VIPR2: variants seen among roughly 807,000 people sequenced by gnomAD.
VIPR2 encodes vasoactive intestinal polypeptide receptor 2.
VIPR2 carries 48 observed loss-of-function variants against 58.0 expected under a neutral mutation model. That is an observed-to-expected ratio of 0.83 (90% confidence interval 0.66 to 1.05). VIPR2 has a LOEUF of 1.05. VIPR2 is among the 50% of genes least tolerant of loss of function. The pLI is 0.00. For missense variants in VIPR2, 534 were observed against 558.0 expected, an observed-to-expected ratio of 0.96 and a Z score of 0.43; for synonymous variants, 243 against 235.2, an observed-to-expected ratio of 1.03 and a Z score of -0.30.
At chr7:159,136,455 TGA>T (rs1343227756) in intron 2 of VIPR2, among the ~76,000 whole-genome samples, 3 of 152,054 alleles carry the variant, frequency 2.0e-5, no homozygotes, top group Non-Finnish European at 4.4e-5. Context: ...CAAAAACATG[TGA>T]GAGTCGAAGC....
At chr7:159,058,136 T>C (rs1011675695) in intron 5 of VIPR2, among the ~76,000 whole-genome samples, 2 of 152,148 alleles carry the variant, frequency 1.3e-5, no homozygotes, top group Non-Finnish European at 2.9e-5. Flanking sequence ...TCGTAGCATC[T>C]CTCTAATAGA....
intron 2 of VIPR2, among the ~76,000 whole-genome samples, chr7:159,112,823 G>T (rs113172395): frequency 1.2e-5 from 1 of 81,174 alleles, no homozygotes; most frequent in Non-Finnish European, 2.3e-5. Flanking sequence ...TGAAGAGGAG[G>T]CTCACGGCGC....
intron 4 of VIPR2, among the ~76,000 whole-genome samples, chr7:159,092,844 G>A (rs1371301770): frequency 1.3e-5 from 2 of 152,026 alleles, no homozygotes; most frequent in Non-Finnish European, 2.9e-5. Flanking sequence ...CCGTGTCTCA[G>A]AGTTCTGGGC....
In VIPR2 at chr7:159,031,747, G is replaced by A. The variant is rs1853598117; in HGVS notation, c.1143+81C>T. ...AGCCCGCGGAAGACAGGCATGTGTG[G>A]GGGCTGCGGCACCAGGCTGGGCAGC... On this transcript the variant is annotated intron_variant, in intron 12 of 12. Transcript: ENST00000262178. This position sits in a 1 kb window ranked among gnomAD's most constrained non-coding sequence, Gnocchi z 4.0. The A allele has an allele frequency of 2.5e-5, 40 of 1,609,048 alleles. No individual in the cohort carries two copies. In the South Asian group the frequency reaches 4.3e-4, roughly 17 times the overall value.
intron 5 of VIPR2, among the ~76,000 whole-genome samples, chr7:159,047,192 C>T (rs546429084): frequency 1.5e-3 from 234 of 152,186 alleles, no homozygotes; most frequent in Middle Eastern, 3.4e-3. Flanking sequence ...ATCCAGGAGC[C>T]GAGATTGTGC....
intron 4 of VIPR2, among the ~76,000 whole-genome samples, chr7:159,066,460 C>G (rs1856100802): frequency 6.6e-6 from 1 of 152,212 alleles, no homozygotes; most frequent in Non-Finnish European, 1.5e-5. Flanking sequence ...TCCAGGATGC[C>G]TGTTCCCGCA....
intron 4 of VIPR2, among the ~76,000 whole-genome samples, chr7:159,090,283 C>G (rs571632701): frequency 1.0e-5 from 1 of 96,542 alleles, no homozygotes; most frequent in African/African-American, 5.2e-5. Flanking sequence ...GCTGGGACCA[C>G]GCACAGGGGC....
intron 1 of VIPR2, chr7:159,144,174 C>T: frequency 1.1e-6 from 1 of 902,980 alleles, no homozygotes; most frequent in Non-Finnish European, 1.5e-6. Context: ...ACTCCATGTG[C>T]GAAGGCACTT....
chr7:159,094,935 C>T (rs1857743735), intron 4 of VIPR2, among the ~76,000 whole-genome samples: 1 of 152,182 alleles, frequency 6.6e-6, no homozygotes, highest in Admixed American at 6.5e-5. Context: ...GGGGCCTTTG[C>T]TTTGCTAGCA....
intron 2 of VIPR2, among the ~76,000 whole-genome samples, chr7:159,119,414 G>A (rs904398817): frequency 6.6e-5 from 10 of 152,184 alleles, no homozygotes; most frequent in Non-Finnish European, 1.2e-4. Flanking sequence ...AGGACAACAC[G>A]TGGCCTGCGT....
chr7:159,060,527 T>TGCCACCCTCACATCATCTAACA, intron 4 of VIPR2, among the ~76,000 whole-genome samples: 1 of 151,120 alleles, frequency 6.6e-6, no homozygotes, highest in African/African-American at 2.4e-5. Context: ...CTCACCTAAC[T>TGCCACCCTCACATCATCTAACA]GCCACCCTCA....
chr7:159,096,433 C>T lies in VIPR2; in HGVS notation c.357+7324G>A, dbSNP rs1456132123. On this transcript the variant is annotated intron_variant, in intron 4 of 12. Transcript: ENST00000262178. This position sits in a 1 kb window ranked among gnomAD's most constrained non-coding sequence, Gnocchi z 5.5. ...TGCTGCACATCATCCTGGTGTGCTCCTCCATCCTTCCACCTTCCTGATCAT... is the reference window on the plus strand; with the variant it reads ...TGCTGCACATCATCCTGGTGTGCTCTTCCATCCTTCCACCTTCCTGATCAT... Among the ~76,000 whole-genome samples, 1 of 152,232 alleles carries T rather than the reference C, an allele frequency of 6.6e-6. No individual in the cohort carries two copies. The highest frequency in any genetic ancestry group is 3.2e-3 in the Middle Eastern group (1 of 316).
At chr7:159,082,852 A>G (rs1311896887) in intron 4 of VIPR2, among the ~76,000 whole-genome samples, 1 of 152,230 alleles carries the variant, frequency 6.6e-6, no homozygotes, top group Non-Finnish European at 1.5e-5. Context: ...AGAGGCAGCT[A>G]TCATGAAGGG....
chr7:159,142,331 CTTTT>C, intron 2 of VIPR2, 111 bp downstream of exon 2: 8 of 746,468 alleles, frequency 1.1e-5, no homozygotes, highest in Non-Finnish European at 1.7e-5. Context: ...AGTGGCCTTT[CTTTT>C]TCTTTTTTTT....
At chr7:159,117,111 G>A (rs1796264848) in intron 2 of VIPR2, 1 of 571,324 alleles carries the variant, frequency 1.8e-6, no homozygotes, top group African/African-American at 1.9e-5. Context: ...CTGGGGAGGA[G>A]ACCAGGTTCA....
chr7:159,040,045 T>C (rs930190948), intron 6 of VIPR2, among the ~76,000 whole-genome samples: 1 of 152,124 alleles, frequency 6.6e-6, no homozygotes, highest in African/African-American at 2.4e-5. Context: ...TGAAGACGAT[T>C]CCATTTTCTT....
At chr7:159,126,098 G>A (rs904787698) in intron 2 of VIPR2, among the ~76,000 whole-genome samples, 7 of 152,184 alleles carry the variant, frequency 4.6e-5, no homozygotes, top group South Asian at 2.1e-4. Context: ...GGGGGCTCTC[G>A]TAAACAAACC....
At chr7:159,107,038 C>T (rs1365770807) in intron 3 of VIPR2, among the ~76,000 whole-genome samples, 1 of 152,132 alleles carries the variant, frequency 6.6e-6, no homozygotes, top group African/African-American at 2.4e-5. Context: ...TGGGAGCACA[C>T]TCTCGCCCAC....
intron 4 of VIPR2, among the ~76,000 whole-genome samples, chr7:159,062,750 G>A (rs758166355): frequency 2.0e-5 from 3 of 152,204 alleles, no homozygotes; most frequent in Non-Finnish European, 4.4e-5. Flanking sequence ...CCAGTGAATT[G>A]TCTCTACAGG....
Sources: gnomAD v4.1 joint callset for allele counts (sites outside exome capture counted in the v4.1 genomes callset) on GRCh38, gnomAD v4.1.1 for gene constraint, Gnocchi (gnomAD v3.1) non-coding constraint, MANE v1.5 for transcripts, NCBI Gene and HGNC (gene_info 2026-07-23, HGNC 2026-07-21) for gene names.